WNK3: variants seen among roughly 807,000 people sequenced by gnomAD.
The protein encoded by WNK3 is WNK lysine deficient protein kinase 3.
Under a neutral mutation model 116.7 loss-of-function variants are expected in WNK3, and 18 were observed. That is an observed-to-expected ratio of 0.15 (90% CI 0.11 to 0.23). The LOEUF (loss-of-function observed/expected upper bound fraction) is 0.23, where lower values mean the gene tolerates loss of function less well. Ranked by LOEUF, WNK3 falls within the 10% of genes least tolerant of loss-of-function variation. WNK3 has a pLI of 1.00. For missense variants in WNK3, 993 were observed against 1,323.8 expected (o/e 0.75, Z 3.88); for synonymous variants, 404 against 469.4 (o/e 0.86, Z 1.80).
intron 6 of WNK3, among the ~76,000 whole-genome samples, chrX:54,299,511 A>G (rs1453001792): frequency 2.2e-5 from 2 of 90,651 alleles, no homozygotes; most frequent in Non-Finnish European, 4.1e-5. Flanking sequence ...TGCAACCTCC[A>G]CCTCCCAGGT....
chrX:54,247,667 T>C (rs1427603147), intron 17 of WNK3, among the ~76,000 whole-genome samples: 1 of 110,464 alleles, frequency 9.1e-6, no homozygotes, highest in Non-Finnish European at 1.9e-5. Flanking sequence ...ATATACTATG[T>C]ACAAGTATAT....
chrX:54,329,552 C>T (rs1199495314), intron 2 of WNK3, among the ~76,000 whole-genome samples: 2 of 109,615 alleles, frequency 1.8e-5, no homozygotes, highest in African/African-American at 3.3e-5. Context: ...GCAAGAGAAT[C>T]GCTTGAACCC....
chrX:54,221,871 A>C (rs1433285173), intron 22 of WNK3, among the ~76,000 whole-genome samples: 1 of 107,290 alleles, frequency 9.3e-6, no homozygotes, highest in Non-Finnish European at 1.9e-5. Flanking sequence ...AAACAAAAAA[A>C]CATGACTGGG....
exon 24 of WNK3, chrX:54,194,987 A>G (rs1307898885): frequency 1.8e-5 from 2 of 111,863 alleles, no homozygotes; most frequent in Admixed American, 9.6e-5. Context: ...AAAACTGGCA[A>G]GGAAGGGATG....
At chrX:54,222,269 G>T (rs1375298885) in intron 22 of WNK3, among the ~76,000 whole-genome samples, 1 of 111,151 alleles carries the variant, frequency 9.0e-6, no homozygotes, top group Non-Finnish European at 1.9e-5. Flanking sequence ...GAATAATATA[G>T]GGCCAGGTAC....
intron 13 of WNK3, among the ~76,000 whole-genome samples, chrX:54,252,500 T>C (rs182930392): frequency 1.0e-4 from 11 of 110,272 alleles, no homozygotes; most frequent in Admixed American, 9.7e-4. Context: ...CGAAATGCCA[T>C]CTCTGTTAAA....
chrX:54,352,593 T>C (rs1569539789), intron 1 of WNK3, among the ~76,000 whole-genome samples: 1 of 111,230 alleles, frequency 9.0e-6, no homozygotes. Context: ...GGTGGGAAGA[T>C]TGCCTCAGCC....
At chrX:54,315,538 T>C in intron 2 of WNK3, among the ~76,000 whole-genome samples, 2 of 111,648 alleles carry the variant, frequency 1.8e-5, no homozygotes, top group Middle Eastern at 4.6e-3. Flanking sequence ...CCCTGGGAGA[T>C]GATATCTTAG....
intron 6 of WNK3, among the ~76,000 whole-genome samples, chrX:54,300,374 G>A (rs1285953436): frequency 9.0e-6 from 1 of 110,832 alleles, no homozygotes; most frequent in Non-Finnish European, 1.9e-5. Flanking sequence ...TTCCCAGACT[G>A]GTCGTGAACT....
At chrX:54,294,975 G>A in intron 7 of WNK3, 128 bp from the exon 8 acceptor site, 2 of 499,209 alleles carry the variant, frequency 4.0e-6, no homozygotes, top group Non-Finnish European at 3.0e-6. Flanking sequence ...TCGGCTCACT[G>A]CAACTCTGTC....
intron 10 of WNK3, among the ~76,000 whole-genome samples, chrX:54,268,500 A>T (rs999602859): frequency 1.8e-5 from 2 of 111,003 alleles, no homozygotes; most frequent in African/African-American, 6.6e-5. Context: ...CCTCAAAAAA[A>T]TTTTTAAAAA....
intron 1 of WNK3, among the ~76,000 whole-genome samples, chrX:54,348,124 A>G (rs782583881): frequency 4.1e-4 from 42 of 102,917 alleles, no homozygotes; most frequent in Middle Eastern, 4.9e-3. Context: ...CATTGTATAT[A>G]TGTGTGTGTG....
At chrX:54,265,235 C>A (rs1228723718) in intron 10 of WNK3, among the ~76,000 whole-genome samples, 1 of 111,245 alleles carries the variant, frequency 9.0e-6, no homozygotes, top group African/African-American at 3.3e-5. Context: ...GCCTGTAATG[C>A]CAACACTTTG....
At chrX:54,328,606 TAA>T (rs1304074802) in intron 2 of WNK3, among the ~76,000 whole-genome samples, 2 of 103,015 alleles carry the variant, frequency 1.9e-5, no homozygotes, top group African/African-American at 3.5e-5. Flanking sequence ...ACTTTGCCTT[TAA>T]AAAAAAAAAA....
intron 13 of WNK3, 141 bp downstream of exon 13, chrX:54,253,818 G>T: frequency 4.8e-6 from 2 of 420,583 alleles, no homozygotes. Context: ...TACACTTGAT[G>T]ATAACCCAAT....
intron 10 of WNK3, among the ~76,000 whole-genome samples, chrX:54,280,040 G>C (rs1328044014): frequency 8.9e-6 from 1 of 112,480 alleles, no homozygotes; most frequent in Admixed American, 9.5e-5. Flanking sequence ...GCTCACGCCT[G>C]TAAATCCCAG....
At chrX:54,251,593 T>C (rs782001482) in exon 14 of WNK3, 3 of 1,211,140 alleles carry the variant, frequency 2.5e-6, no homozygotes, top group Non-Finnish European at 3.4e-6. Flanking sequence ...TGTGGCAAAG[T>C]GGACATGAAG....
At chrX:54,292,706 C>CAAAA (rs1180750751) in intron 10 of WNK3, among the ~76,000 whole-genome samples, 182 bp downstream of exon 10, 3 of 22,451 alleles carry the variant, frequency 1.3e-4, no homozygotes, top group African/African-American at 3.1e-4. Flanking sequence ...CACTCCACCT[C>CAAAA]AAAAAAAAAA....
chrX:54,222,522 G>A (rs2067775397), intron 22 of WNK3, among the ~76,000 whole-genome samples: 1 of 108,328 alleles, frequency 9.2e-6, no homozygotes, highest in African/African-American at 3.4e-5. Flanking sequence ...TCACACCACT[G>A]CACTCCAGCC....
Sources: allele counts gnomAD v4.1 joint callset (sites outside exome capture counted in the v4.1 genomes callset), GRCh38; gene constraint gnomAD v4.1.1; transcripts MANE v1.5; gene names NCBI Gene and HGNC (gene_info 2026-07-23, HGNC 2026-07-21).